The following CCDC3 variants were observed in gnomAD, a reference collection of about 807,000 sequenced individuals.
CCDC3 encodes the protein coiled-coil domain-containing protein 3.
Under a neutral mutation model 21.4 loss-of-function variants are expected in CCDC3, and 24 were observed. That is an observed-to-expected ratio of 1.12 (90% CI 0.81 to 1.58). CCDC3 has a LOEUF of 1.58. CCDC3 is among the 40% of genes most tolerant of loss of function. CCDC3 has a pLI of 0.00. For missense variants in CCDC3, 425 were observed against 360.9 expected, an observed-to-expected ratio of 1.18 and a Z score of -1.44; for synonymous variants, 186 against 166.0, an observed-to-expected ratio of 1.12 and a Z score of -0.93.
chr10:12,938,919 CA>C (rs1488214345), intron 2 of CCDC3, among the ~76,000 whole-genome samples: 1 of 152,178 alleles, frequency 6.6e-6, no homozygotes, highest in Non-Finnish European at 1.5e-5. Flanking sequence ...TCCATAGCCC[CA>C]ATCCCCTTGC....
chr10:13,059,467 C>T (rs574546744), intron 4 of CCDC3, among the ~76,000 whole-genome samples: 13 of 152,218 alleles, frequency 8.5e-5, no homozygotes, highest in Middle Eastern at 6.8e-3. Flanking sequence ...GAGGTAAAGA[C>T]AATAAATGAA....
chr10:12,958,309 G>C (rs781738662), intron 2 of CCDC3, among the ~76,000 whole-genome samples: 38 of 152,128 alleles, frequency 2.5e-4, no homozygotes, highest in Non-Finnish European at 4.4e-4. Flanking sequence ...GCAATTTCTA[G>C]AACTGCAACC....
At position 12,995,030 on chromosome 10, in the gene CCDC3, C is replaced by CGAG. The variant is rs1464312077; in HGVS notation, c.549+3305_549+3307dup. Reference sequence around the variant, plus strand: ...CTCGGAAGTGGGGATTGCAGTGAGCCGAGATCATGCCATTGCACTCTAGCC... The same window carrying CGAG: ...CTCGGAAGTGGGGATTGCAGTGAGCCGAGGAGATCATGCCATTGCACTCTAGCC... On this transcript the variant is annotated intron_variant, in intron 2 of 2. Transcript: ENST00000378825. Among the ~76,000 whole-genome samples, 10 of 150,700 alleles carry CGAG rather than the reference C, an allele frequency of 6.6e-5. No individual in the cohort carries two copies. The East Asian group carries it at 1.4e-3, about 21-fold the overall frequency.
At chr10:12,990,765 AAACT>A (rs1481484759) in intron 2 of CCDC3, among the ~76,000 whole-genome samples, 1 of 152,234 alleles carries the variant, frequency 6.6e-6, no homozygotes, top group Non-Finnish European at 1.5e-5. Flanking sequence ...TAACATGGTA[AAACT>A]ACTATTTTCC....
At chr10:12,901,895 G>A (rs1834099005) in intron 2 of CCDC3, among the ~76,000 whole-genome samples, 1 of 152,146 alleles carries the variant, frequency 6.6e-6, no homozygotes, top group Non-Finnish European at 1.5e-5. Flanking sequence ...TCATCCCAGA[G>A]GCTCTTCCTC....
At chr10:13,060,153 A>G (rs574045055) in intron 4 of CCDC3, among the ~76,000 whole-genome samples, 59 of 90,150 alleles carry the variant, frequency 6.5e-4, no homozygotes, top group Admixed American at 5.5e-3. Flanking sequence ...TTCATCAGAA[A>G]CAAAACAAAA....
chr10:13,006,428 A>G (rs1835925228), upstream of CCDC3, among the ~76,000 whole-genome samples: 1 of 152,164 alleles, frequency 6.6e-6, no homozygotes, highest in Non-Finnish European at 1.5e-5. Context: ...ATTCTTCAAG[A>G]CCCATGCAAC....
chr10:12,949,879 C>T (rs1290408338), intron 2 of CCDC3, among the ~76,000 whole-genome samples: 1 of 152,134 alleles, frequency 6.6e-6, no homozygotes, highest in Non-Finnish European at 1.5e-5. Context: ...AGGCTGAGGT[C>T]ATCTCATCTA....
chr10:12,964,095 G>A (rs4748015), intron 2 of CCDC3, among the ~76,000 whole-genome samples: 50,328 of 151,960 alleles, frequency 0.33, 8,716 homozygotes, highest in Admixed American at 0.4. Context: ...TTTTCCAGCC[G>A]GGAGCGGTGG....
upstream of CCDC3, among the ~76,000 whole-genome samples, chr10:13,003,813 A>G (rs1835894290): frequency 6.6e-6 from 1 of 152,228 alleles, no homozygotes; most frequent in African/African-American, 2.4e-5. Context: ...CTCTTGTTGT[A>G]TAAACTTGAC....
intron 3 of CCDC3, chr10:13,074,151 ATAT>A (rs1216622932): frequency 1.4e-4 from 5 of 34,612 alleles, no homozygotes; most frequent in Admixed American, 5.3e-4. Flanking sequence ...ATATATATAT[ATAT>A]TTTTTTTTTT....
At chr10:12,946,111 C>G (rs989438461) in intron 2 of CCDC3, among the ~76,000 whole-genome samples, 1 of 152,208 alleles carries the variant, frequency 6.6e-6, no homozygotes, top group African/African-American at 2.4e-5. Context: ...GCCACCCATT[C>G]TGCCCCAAAT....
In CCDC3 at chr10:13,001,434, G is replaced by T; in HGVS notation, c.137C>A (p.Ala46Asp). 1 of 1,523,272 alleles carries T rather than the reference G, an allele frequency of 6.6e-7. No homozygotes were observed. 94.4% of individuals were successfully genotyped at this position (1,523,272 alleles called of 1,614,324 possible). Residue 46 changes from alanine to aspartate, a missense_variant, in exon 1 of 3, where the codon GCC becomes GAC. Ala to Asp is a moderately radical substitution (Grantham distance 126). Transcript: ENST00000378825. ...CTCGGGGTGCAGCGCCAGCACCCTGGCGTACACGATGGTCTCGGCCAGCTC... is the reference window on the plus strand; with the variant it reads ...CTCGGGGTGCAGCGCCAGCACCCTGTCGTACACGATGGTCTCGGCCAGCTC... Reference protein sequence around the residue: ...RAELAETIVYARVLALHPEAP... With the variant: ...RAELAETIVYDRVLALHPEAP...
intron 5 of CCDC3, among the ~76,000 whole-genome samples, chr10:13,040,783 A>G (rs1404905696): frequency 6.6e-6 from 1 of 152,066 alleles, no homozygotes; most frequent in African/African-American, 2.4e-5. Context: ...CCAGGTTACT[A>G]AACTGGCCAC....
chr10:13,022,809 G>C (rs1269727982), intron 5 of CCDC3, among the ~76,000 whole-genome samples: 1 of 152,124 alleles, frequency 6.6e-6, no homozygotes, highest in Non-Finnish European at 1.5e-5. Flanking sequence ...AATTCAAGTA[G>C]AGTGGAAGTC....
chr10:13,014,248 T>C (rs1351240355), intron 5 of CCDC3, among the ~76,000 whole-genome samples: 2 of 150,530 alleles, frequency 1.3e-5, no homozygotes, highest in Admixed American at 6.6e-5. Context: ...GGTCAGGAGA[T>C]TGAGACCATC....
intron 4 of CCDC3, among the ~76,000 whole-genome samples, chr10:13,063,861 T>G (rs1281495907): frequency 6.6e-6 from 1 of 152,186 alleles, no homozygotes; most frequent in Non-Finnish European, 1.5e-5. Context: ...CCGAGGAAGA[T>G]TTTAGAATGG....
At chr10:13,020,488 TTC>T (rs1437447892) in intron 5 of CCDC3, among the ~76,000 whole-genome samples, 1 of 152,262 alleles carries the variant, frequency 6.6e-6, no homozygotes, top group East Asian at 1.9e-4. Flanking sequence ...AGCTTATTTT[TTC>T]TTTCATGCTC....
intron 5 of CCDC3, among the ~76,000 whole-genome samples, chr10:13,035,565 G>A (rs1475938581): frequency 6.6e-6 from 1 of 152,134 alleles, no homozygotes; most frequent in Non-Finnish European, 1.5e-5. Flanking sequence ...GGCAAGCTCT[G>A]TATCATTTCT....
Sources: gnomAD v4.1 joint callset for allele counts (sites outside exome capture counted in the v4.1 genomes callset) on GRCh38, gnomAD v4.1.1 for gene constraint, MANE v1.5 for transcripts, NCBI Gene and HGNC (gene_info 2026-07-23, HGNC 2026-07-21) for gene names.